Variants in ZNF48 observed in about 807,000 individuals in gnomAD.
ZNF48 encodes the protein zinc finger protein 553.
A neutral mutation model predicts 40.0 loss-of-function variants in ZNF48; 20 were observed. That is an observed-to-expected ratio of 0.50 (90% CI 0.35 to 0.73). The LOEUF (loss-of-function observed/expected upper bound fraction) is 0.73. Ranked by LOEUF, ZNF48 falls within the 30% of genes least tolerant of loss-of-function variation. The pLI is 0.01. For missense variants in ZNF48, 726 were observed against 851.9 expected, an observed-to-expected ratio of 0.85 and a Z score of 1.84; for synonymous variants, 298 against 329.7, an observed-to-expected ratio of 0.90 and a Z score of 1.04.
chr16:30,395,236 C>T (rs2151117107), upstream of ZNF48: 1 of 456,320 alleles, frequency 2.2e-6, no homozygotes, highest in Non-Finnish European at 4.4e-6. The surrounding 1 kb of genome is among the most constrained non-coding windows in gnomAD (Gnocchi z 5.9). Context: ...CAGCTGCAGC[C>T]CAGGAGGCAC....
In ZNF48 at chr16:30,399,983, A is replaced by T. The variant is rs994166768; in HGVS notation, c.*876A>T. 7.2e-5 allele frequency: 11 copies of T among 152,248 alleles called. No homozygotes were observed. Among genetic ancestry groups the T allele is most frequent in the African/African-American group, 2.7e-4 (11 of 41,450 alleles). The allele number at this position is 152,248 out of a possible 1,614,324, so 9.4% of individuals were successfully genotyped here. On this transcript the variant is annotated 3_prime_UTR_variant, in exon 3 of 3. Coordinates refer to ENST00000613509, the MANE Select transcript of ZNF48 (RefSeq NM_001214909.2). ...ACGGCTTCTCTTCTGAGGCTTGGACAGTGTGTGTGTACACACAGGCATGAA... is the reference window on the plus strand; with the variant it reads ...ACGGCTTCTCTTCTGAGGCTTGGACTGTGTGTGTGTACACACAGGCATGAA...
rs2050027514 is a variant in ZNF48, at chr16:30,399,139, C to T, written c.*32C>T. On this transcript the variant is annotated 3_prime_UTR_variant, in exon 3 of 3. Transcript: ENST00000613509. ...CCAGGGAGGGCGGAGGCCCAGGAGACCAAAGGGAGGGGCTCTGCCGCTTAG... is the reference window on the plus strand; with the variant it reads ...CCAGGGAGGGCGGAGGCCCAGGAGATCAAAGGGAGGGGCTCTGCCGCTTAG... The T allele has an allele frequency of 2.6e-6, 4 of 1,520,218 alleles. No homozygotes were observed. The highest frequency in any genetic ancestry group is 3.5e-6 in the Non-Finnish European group (4 of 1,135,014). The allele number at this position is 1,520,218 out of a possible 1,614,324, so 94.2% of individuals were successfully genotyped here. A position where few individuals can be genotyped will look rare whatever the true frequency, so the allele number is the denominator to read the frequency against.
Position 30,399,854 on chromosome 16 carries a change from G to T in ZNF48, c.*747G>T, listed in dbSNP as rs143846674. On this transcript the variant is annotated 3_prime_UTR_variant, in exon 3 of 3. Coordinates refer to ENST00000613509, the MANE Select transcript of ZNF48 (RefSeq NM_001214909.2). The stretch of plus-strand genomic sequence containing the variant: ...TGCTCTCATGGTATCCAGCCTGGAT[G>T]CCAAGCCCAAGTCCTGGTGGATAGC... 5.2e-5 allele frequency: 8 copies of T among 152,410 alleles called. No homozygotes were observed. The highest frequency in any genetic ancestry group is 1.9e-4 in the African/African-American group (8 of 41,570). 9.4% of individuals were successfully genotyped at this position (152,410 alleles called of 1,614,324 possible). A position where few individuals can be genotyped will look rare whatever the true frequency, so the allele number is the denominator to read the frequency against.
At chr16:30,387,508 T>A (rs1184022972) in intron 1 of ZNF48, among the ~76,000 whole-genome samples, 2 of 144,618 alleles carry the variant, frequency 1.4e-5, no homozygotes, top group African/African-American at 5.1e-5. Flanking sequence ...TGAGTGGAGA[T>A]CGCACCATCG....
rs2050005857 is a variant in ZNF48, at chr16:30,398,038, C to T, written c.788C>T (p.Ala263Val). 1 of 1,612,094 alleles carries T rather than the reference C, an allele frequency of 6.2e-7. No homozygotes were observed. Among genetic ancestry groups the T allele is most frequent in the Admixed American group, 1.7e-5 (1 of 59,886 alleles). The change falls in exon 3 of 3, where the codon GCA (alanine) becomes GTA (valine). Residue 263 changes from alanine (A) to valine (V), a missense_variant. Transcript: ENST00000613509. This position sits in a 1 kb window ranked among gnomAD's most constrained non-coding sequence, Gnocchi z 6.6. ...PRRQPSRAAT[A>V]ATQGPKAQDK... ...CGGCAGCCATCTCGGGCAGCCACGG[C>T]AGCTACCCAGGGACCGAAGGCCCAG...
Position 30,381,344 on chromosome 16 carries a change from G to A in ZNF48, c.-16+2934G>A, listed in dbSNP as rs1477063463. The A allele has an allele frequency of 1.9e-6, 3 of 1,612,162 alleles. No individual in the cohort carries two copies. The highest frequency in any genetic ancestry group is 4.5e-5 in the East Asian group (2 of 44,860). On this transcript the variant is annotated intron_variant, in intron 1 of 2. Transcript: ENST00000528032. The surrounding 1 kb of genome is among the most constrained non-coding windows in gnomAD (Gnocchi z 4.3). ...CCAGGATCCCCCCACCAGACCCCCG[G>A]CCGAAGGGTGAGATGAAGTAGAGGC...
In ZNF48 at chr16:30,382,492, G is replaced by A. The variant is rs756603552; in HGVS notation, c.-16+4082G>A. ...ACCCCAGGCATGGGGGCTGGGGGCC[G>A]AGATGCCCAGGTTTCTGGGTGTAAG... On this transcript the variant is annotated intron_variant, in intron 1 of 2. Transcript: ENST00000528032. This position sits in a 1 kb window ranked among gnomAD's most constrained non-coding sequence, Gnocchi z 4.8. 1.9e-5 allele frequency: 30 copies of A among 1,593,944 alleles called. 1 individual carries two copies. The highest frequency in any genetic ancestry group is 1.5e-4 in the South Asian group (13 of 89,220).
upstream of ZNF48, among the ~76,000 whole-genome samples, chr16:30,393,556 T>C (rs985467227): frequency 6.6e-6 from 1 of 151,784 alleles, no homozygotes; most frequent in Non-Finnish European, 1.5e-5. Flanking sequence ...TGCTAAGTTT[T>C]GTATTTTTAG....
intron 1 of ZNF48, among the ~76,000 whole-genome samples, chr16:30,384,239 C>A (rs1416915096): frequency 1.3e-5 from 2 of 150,710 alleles, no homozygotes; most frequent in African/African-American, 4.9e-5. Context: ...ACAAACAAAT[C>A]TACCTCAGGA....
At chr16:30,392,910 C>T (rs2049953287), upstream of ZNF48, among the ~76,000 whole-genome samples, 1 of 152,152 alleles carries the variant, frequency 6.6e-6, no homozygotes, top group African/African-American at 2.4e-5. Flanking sequence ...TTTCCAGGGC[C>T]TAGGACAGTG....
At chr16:30,378,517 G>T in intron 1 of ZNF48, 1 of 1,586,094 alleles carries the variant, frequency 6.3e-7, no homozygotes, top group South Asian at 1.1e-5. Context: ...TGCATGCGGC[G>T]CAGCTGTGCA....
chr16:30,388,031 A>G (rs572185523), intron 1 of ZNF48, among the ~76,000 whole-genome samples: 32 of 149,856 alleles, frequency 2.1e-4, no homozygotes, highest in African/African-American at 7.6e-4. Context: ...CAATGGCGCG[A>G]TCTCGGCTCA....
chr16:30,382,263 A>G lies in ZNF48; in HGVS notation c.-16+3853A>G. 1 of 1,613,514 alleles carries G rather than the reference A, an allele frequency of 6.2e-7. No individual in the cohort carries two copies. Among genetic ancestry groups the G allele is most frequent in the Non-Finnish European group, 8.5e-7 (1 of 1,179,576 alleles). ...CATCCCCTCCGCAGTTCCCTCTCCA[A>G]AACCCCCAGACCTGCCACCATTAGC... On this transcript the variant is annotated intron_variant, in intron 1 of 2. Transcript: ENST00000528032. This position sits in a 1 kb window ranked among gnomAD's most constrained non-coding sequence, Gnocchi z 4.8.
chr16:30,381,113 G>A lies in ZNF48; in HGVS notation c.-16+2703G>A. 6.3e-7 allele frequency: 1 copy of A among 1,590,204 alleles called. No individual in the cohort carries two copies. ...CTTCACATGGGGTCAAAGGTCAGAG[G>A]TCATCACTCACACCTTCTGCTTGAG... On this transcript the variant is annotated intron_variant, in intron 1 of 2. Transcript: ENST00000528032. This position sits in a 1 kb window ranked among gnomAD's most constrained non-coding sequence, Gnocchi z 4.3.
Position 30,395,884 on chromosome 16 carries a change from C to T in ZNF48, c.79+11C>T. The T allele has an allele frequency of 1.3e-6, 2 of 1,520,506 alleles. No homozygotes were observed. The highest frequency in any genetic ancestry group is 2.4e-5 in the South Asian group (2 of 82,382). 94.2% of individuals were successfully genotyped at this position (1,520,506 alleles called of 1,614,324 possible). A position where few individuals can be genotyped will look rare whatever the true frequency, so the allele number is the denominator to read the frequency against. On this transcript the variant is annotated intron_variant, in intron 2 of 2. Transcript: ENST00000613509. The surrounding 1 kb of genome is among the most constrained non-coding windows in gnomAD (Gnocchi z 5.9). ...GAGGCGCCCGCACAGGTGAGGGCCT[C>T]GGCCGTGCGCCGCCACGGACAGGTA...
intron 1 of ZNF48, chr16:30,380,006 TCTC>T: frequency 1.2e-6 from 2 of 1,612,786 alleles, no homozygotes; most frequent in South Asian, 1.1e-5. Context: ...TAGATGTGGA[TCTC>T]CTCTTCCTTC....
rs761903958 is a variant in ZNF48 at position 30,378,432 on chromosome 16, C to T, written c.-16+22C>T. On this transcript the variant is annotated intron_variant, in intron 1 of 2. Coordinates refer to the ZNF48 transcript ENST00000528032. ...CGAGGTAAGGCCGGGCGGGGCGTGGCCTCAGAGGGCGTCTGACTGCTCGCC... is the reference window on the plus strand; with the variant it reads ...CGAGGTAAGGCCGGGCGGGGCGTGGTCTCAGAGGGCGTCTGACTGCTCGCC... The T allele has an allele frequency of 6.4e-6, 10 of 1,566,586 alleles. No homozygotes were observed. In the South Asian group the frequency reaches 1.0e-4, roughly 16 times the overall value.
At chr16:30,379,967 C>G in intron 1 of ZNF48, 1 of 1,605,708 alleles carries the variant, frequency 6.2e-7, no homozygotes, top group Middle Eastern at 1.7e-4. Context: ...AAGTCTTCAT[C>G]TTCATCAGAG....
At chr16:30,378,875 AGAGGGAGGGAGG>A (rs1212421895) in intron 1 of ZNF48, 8 of 414,802 alleles carry the variant, frequency 1.9e-5, no homozygotes, top group South Asian at 7.0e-5. Flanking sequence ...AGAGACGGAG[AGAGGGAGGGAGG>A]GAGGGAGGGA....
Sources: gnomAD v4.1 joint callset for allele counts (sites outside exome capture counted in the v4.1 genomes callset) on GRCh38, gnomAD v4.1.1 for gene constraint, Gnocchi (gnomAD v3.1) non-coding constraint, MANE v1.5 for transcripts, NCBI Gene and HGNC (gene_info 2026-07-23, HGNC 2026-07-21) for gene names.